LDLRAD4: variants seen among roughly 807,000 people sequenced by gnomAD.
The protein encoded by LDLRAD4 is low density lipoprotein receptor class A domain containing 4.
A neutral mutation model predicts 17.0 loss-of-function variants in LDLRAD4; 5 were observed. The ratio of observed to expected loss-of-function variants is 0.29; its 90% CI spans 0.15 to 0.62. The LOEUF (loss-of-function observed/expected upper bound fraction) is 0.62. Among genes scored for constraint, LDLRAD4 ranks in the 20% least tolerant of loss-of-function variants. LDLRAD4 has a pLI of 0.84. For missense variants in LDLRAD4, 340 were observed against 424.7 expected (o/e 0.80, Z 1.75); for synonymous variants, 168 against 171.8 (o/e 0.98, Z 0.17).
At chr18:13,368,036 A>G (rs2084193973) in intron 1 of LDLRAD4, among the ~76,000 whole-genome samples, 1 of 152,120 alleles carries the variant, frequency 6.6e-6, no homozygotes, top group South Asian at 2.1e-4. Flanking sequence ...CTCATAAAAT[A>G]AAATAAGGAA....
chr18:13,619,842 G>A (rs1039422357), intron 3 of LDLRAD4, among the ~76,000 whole-genome samples: 22 of 152,076 alleles, frequency 1.4e-4, no homozygotes, highest in Non-Finnish European at 5.9e-5. Flanking sequence ...GGGGGCCCTT[G>A]GCAGGTCCAC....
At chr18:13,460,398 G>A (rs1180613484) in intron 3 of LDLRAD4, among the ~76,000 whole-genome samples, 1 of 152,094 alleles carries the variant, frequency 6.6e-6, no homozygotes, top group African/African-American at 2.4e-5. Context: ...TCACCGTTTT[G>A]CCCAGGCTGA....
chr18:13,369,566 C>G (rs552158837), intron 1 of LDLRAD4, among the ~76,000 whole-genome samples: 1 of 152,114 alleles, frequency 6.6e-6, no homozygotes, highest in African/African-American at 2.4e-5. Flanking sequence ...GTGTTCGGAC[C>G]GTGAGAAGAC....
intron 2 of LDLRAD4, among the ~76,000 whole-genome samples, chr18:13,434,941 GC>G (rs1443504324): frequency 6.6e-6 from 1 of 152,234 alleles, no homozygotes; most frequent in African/African-American, 2.4e-5. Flanking sequence ...GAAAACCCAC[GC>G]TGTCTGACTG....
chr18:13,591,031 G>A (rs1353899247), intron 3 of LDLRAD4, among the ~76,000 whole-genome samples: 1 of 152,194 alleles, frequency 6.6e-6, no homozygotes, highest in African/African-American at 2.4e-5. Flanking sequence ...AGTATCATGT[G>A]TGGGTTTTAG....
chr18:13,650,620 TTTC>T, exon 6 of LDLRAD4: 1 of 361,492 alleles, frequency 2.8e-6, no homozygotes, highest in Non-Finnish European at 4.9e-6. Flanking sequence ...TTGTCTGTCT[TTTC>T]TTATGTTTTT....
In LDLRAD4 at chr18:13,386,947, GA is replaced by G. The variant is rs1380212062; in HGVS notation, c.-382-393del. On this transcript the variant is annotated intron_variant, in intron 1 of 5. Transcript: ENST00000359446. Reference sequence around the variant, plus strand: ...AGATAGATAGATAGATAGATAGATAGATGGATGGATGGATAGATAAGATAGA... The same window carrying G: ...AGATAGATAGATAGATAGATAGATAGTGGATGGATGGATAGATAAGATAGA... Among the ~76,000 whole-genome samples, 941 of 117,316 alleles carry G rather than the reference GA, an allele frequency of 8.0e-3. 10 individuals carry two copies. Among genetic ancestry groups the G allele is most frequent in the African/African-American group, 0.039 (898 of 22,826 alleles). 77.0% of individuals were successfully genotyped at this position (117,316 alleles called of 152,430 possible).
intron 3 of LDLRAD4, among the ~76,000 whole-genome samples, chr18:13,585,642 T>G (rs2094923564): frequency 6.6e-6 from 1 of 152,160 alleles, no homozygotes; most frequent in African/African-American, 2.4e-5. Context: ...TTAGGAAAAT[T>G]AAAGCATTTA....
At chr18:13,230,846 C>G (rs1337315345) in intron 1 of LDLRAD4, among the ~76,000 whole-genome samples, 2 of 152,230 alleles carry the variant, frequency 1.3e-5, no homozygotes, top group African/African-American at 4.8e-5. Context: ...CTTTCTGGTC[C>G]ATGCTATCTG....
intron 3 of LDLRAD4, among the ~76,000 whole-genome samples, chr18:13,511,843 T>G (rs4121594): frequency 0.55 from 83,482 of 152,102 alleles, 25,263 homozygotes; most frequent in South Asian, 0.71. Flanking sequence ...GACCTTGGCC[T>G]CCTCTCTGTT....
In LDLRAD4 at chr18:13,398,193, C is replaced by T. The variant is rs1030313591; in HGVS notation, c.40+10431C>T. ...GAGGGAGAGAGGCAGGAGGCTGAAG[C>T]GCCGAACCCAACGCAAATACTAAGC... On this transcript the variant is annotated intron_variant, in intron 2 of 5. Transcript: ENST00000359446. The surrounding 1 kb of genome is among the most constrained non-coding windows in gnomAD (Gnocchi z 4.8). 2.0e-5 allele frequency among the ~76,000 whole-genome samples: 3 copies of T among 152,168 alleles called. No individual in the cohort carries two copies. The highest frequency in any genetic ancestry group is 2.9e-5 in the Non-Finnish European group (2 of 68,030).
chr18:13,543,997 C>T (rs532749305), intron 3 of LDLRAD4, among the ~76,000 whole-genome samples: 3 of 152,370 alleles, frequency 2.0e-5, no homozygotes, highest in Non-Finnish European at 4.4e-5. Flanking sequence ...GGCCCACATA[C>T]GTGCATACGT....
At chr18:13,628,257 G>A (rs886229973) in intron 4 of LDLRAD4, among the ~76,000 whole-genome samples, 6 of 152,218 alleles carry the variant, frequency 3.9e-5, no homozygotes, top group African/African-American at 9.7e-5. Flanking sequence ...TACTGATGCA[G>A]TTGTACTCGG....
intron 3 of LDLRAD4, chr18:13,489,100 A>C (rs529987102): frequency 1.3e-5 from 2 of 151,904 alleles, no homozygotes; most frequent in African/African-American, 4.8e-5. Flanking sequence ...TATTCATGAA[A>C]ATTCCTGGAA....
At chr18:13,475,134 C>T (rs182021618) in intron 3 of LDLRAD4, among the ~76,000 whole-genome samples, 7 of 152,306 alleles carry the variant, frequency 4.6e-5, no homozygotes, top group Admixed American at 3.3e-4. Context: ...AGGGTGCAAA[C>T]GTTAAGTTTG....
At chr18:13,453,884 C>T (rs983413538) in intron 3 of LDLRAD4, among the ~76,000 whole-genome samples, 4 of 152,218 alleles carry the variant, frequency 2.6e-5, no homozygotes, top group South Asian at 2.1e-4. Flanking sequence ...CACCTCGTGG[C>T]GCCTTGATGG....
chr18:13,308,243 C>T (rs2047028084), intron 1 of LDLRAD4, among the ~76,000 whole-genome samples: 1 of 152,200 alleles, frequency 6.6e-6, no homozygotes, highest in African/African-American at 2.4e-5. Context: ...TCTCCTCTGC[C>T]TTTGTTTACA....
At chr18:13,287,658 C>G (rs1300311666) in intron 1 of LDLRAD4, among the ~76,000 whole-genome samples, 2 of 152,156 alleles carry the variant, frequency 1.3e-5, no homozygotes, top group Non-Finnish European at 2.9e-5. Context: ...AATTCTTATT[C>G]CTACACTCTT....
exon 6 of LDLRAD4, chr18:13,652,178 C>T (rs912843519): frequency 2.0e-5 from 3 of 152,204 alleles, no homozygotes; most frequent in African/African-American, 7.2e-5. Flanking sequence ...GTTCTAGACT[C>T]AGAGGTACTA....
Sources: gnomAD v4.1 joint callset for allele counts (sites outside exome capture counted in the v4.1 genomes callset) on GRCh38, gnomAD v4.1.1 for gene constraint, Gnocchi (gnomAD v3.1) non-coding constraint, MANE v1.5 for transcripts, NCBI Gene and HGNC (gene_info 2026-07-23, HGNC 2026-07-21) for gene names.